Variants in NKAIN3 observed in about 807,000 individuals in gnomAD.
NKAIN3 encodes the protein sodium/potassium transporting ATPase interacting 3.
NKAIN3 carries 25 observed loss-of-function variants against 30.2 expected under a neutral mutation model. The observed-to-expected ratio is 0.83, with a 90% CI of 0.60 to 1.16. NKAIN3 has a LOEUF of 1.16. NKAIN3 is among the 50% of genes most tolerant of loss of function. NKAIN3 has a pLI of 0.00. For missense variants in NKAIN3, 225 were observed against 254.1 expected (o/e 0.89, Z 0.78); for synonymous variants, 91 against 89.6 (o/e 1.02, Z -0.09).
At chr8:62,832,254 AACAGACACAC>A (rs1239903257) in intron 4 of NKAIN3, among the ~76,000 whole-genome samples, 1 of 121,266 alleles carries the variant, frequency 8.2e-6, no homozygotes, top group Non-Finnish European at 1.7e-5. Context: ...GGTATGACCA[AACAGACACAC>A]ACACACACAC....
intron 1 of NKAIN3, among the ~76,000 whole-genome samples, chr8:62,577,967 T>A (rs575753091): frequency 6.6e-6 from 1 of 152,172 alleles, no homozygotes; most frequent in East Asian, 1.9e-4. Context: ...CATTTCTTTA[T>A]GTCCAAGGAA....
intron 4 of NKAIN3, among the ~76,000 whole-genome samples, chr8:62,901,947 A>G (rs1352575933): frequency 6.6e-6 from 1 of 152,182 alleles, no homozygotes; most frequent in Non-Finnish European, 1.5e-5. Flanking sequence ...CATACCCTCA[A>G]TGGCTCCTTA....
chr8:62,466,638 TA>T (rs752125088), intron 1 of NKAIN3, among the ~76,000 whole-genome samples: 4 of 152,226 alleles, frequency 2.6e-5, no homozygotes, highest in Admixed American at 6.5e-5. Flanking sequence ...GTGAGCACAC[TA>T]AAATCATGTT....
At chr8:62,703,989 C>A (rs1001924920) in intron 3 of NKAIN3, among the ~76,000 whole-genome samples, 3 of 152,036 alleles carry the variant, frequency 2.0e-5, no homozygotes, top group African/African-American at 7.2e-5. Flanking sequence ...GGATATTGGT[C>A]CATTTTCATC....
At chr8:62,520,474 CT>C (rs1746554475) in intron 1 of NKAIN3, among the ~76,000 whole-genome samples, 1 of 152,048 alleles carries the variant, frequency 6.6e-6, no homozygotes, top group Non-Finnish European at 1.5e-5. Flanking sequence ...ATAAATTCTT[CT>C]TGTCATGTTA....
chr8:62,453,480 A>G (rs1382441885), intron 1 of NKAIN3, among the ~76,000 whole-genome samples: 2 of 152,170 alleles, frequency 1.3e-5, no homozygotes, highest in Non-Finnish European at 2.9e-5. Context: ...TAGATAACCA[A>G]GAGTAAACCA....
intron 1 of NKAIN3, among the ~76,000 whole-genome samples, chr8:62,265,697 T>C (rs1268335628): frequency 2.0e-5 from 3 of 152,206 alleles, no homozygotes; most frequent in African/African-American, 7.2e-5. Context: ...CTCTGCATGG[T>C]GAAAACTTTT....
At chr8:62,597,010 A>G (rs1292598310) in intron 3 of NKAIN3, among the ~76,000 whole-genome samples, 2 of 152,034 alleles carry the variant, frequency 1.3e-5, no homozygotes, top group African/African-American at 4.8e-5. Context: ...AGATGTCCAC[A>G]CAGTAAGATC....
At chr8:62,724,015 T>C (rs140104182) in intron 3 of NKAIN3, among the ~76,000 whole-genome samples, 1 of 152,132 alleles carries the variant, frequency 6.6e-6, no homozygotes, top group Non-Finnish European at 1.5e-5. Flanking sequence ...CTTTGTGTTA[T>C]AGGACTAATG....
chr8:62,428,828 TTGA>T (rs2129597299), intron 1 of NKAIN3, among the ~76,000 whole-genome samples: 1 of 152,034 alleles, frequency 6.6e-6, no homozygotes, highest in African/African-American at 2.4e-5. Context: ...GCTTTTTAGC[TTGA>T]TGAAATCTTG....
intron 4 of NKAIN3, among the ~76,000 whole-genome samples, chr8:62,854,674 T>C (rs1820008850): frequency 6.6e-6 from 1 of 152,184 alleles, no homozygotes; most frequent in African/African-American, 2.4e-5. Context: ...GTCTTTTAAT[T>C]GGGGCATGTA....
intron 1 of NKAIN3, among the ~76,000 whole-genome samples, chr8:62,472,775 G>T (rs1315515261): frequency 2.0e-5 from 3 of 152,174 alleles, no homozygotes; most frequent in African/African-American, 7.2e-5. Flanking sequence ...TCAAGATGCG[G>T]CAGCCACTTA....
intron 3 of NKAIN3, among the ~76,000 whole-genome samples, chr8:62,657,529 G>A (rs1812796036): frequency 1.3e-5 from 2 of 152,090 alleles, no homozygotes; most frequent in African/African-American, 4.8e-5. Context: ...TCCCCTATGA[G>A]TAGAAAGCTG....
intron 3 of NKAIN3, among the ~76,000 whole-genome samples, chr8:62,602,547 T>C (rs1481814372): frequency 6.6e-6 from 1 of 152,132 alleles, no homozygotes; most frequent in East Asian, 1.9e-4. Flanking sequence ...ACAGAGTCTA[T>C]GACAACATTG....
chr8:62,632,881 T>G (rs1812008719), intron 3 of NKAIN3, among the ~76,000 whole-genome samples: 1 of 152,088 alleles, frequency 6.6e-6, no homozygotes, highest in Non-Finnish European at 1.5e-5. Flanking sequence ...TTTAGTAAAT[T>G]TAATAAAAAT....
At chr8:62,586,976 C>A (rs1157100430) in intron 2 of NKAIN3, among the ~76,000 whole-genome samples, 1 of 151,872 alleles carries the variant, frequency 6.6e-6, no homozygotes, top group Non-Finnish European at 1.5e-5. Context: ...TGTAAGCCTG[C>A]TTTATAATAA....
At chr8:62,422,142 AT>A (rs1804660565) in intron 1 of NKAIN3, among the ~76,000 whole-genome samples, 2 of 152,104 alleles carry the variant, frequency 1.3e-5, no homozygotes, top group Admixed American at 1.3e-4. Context: ...TAACTTTTTT[AT>A]TTTATGACAA....
At chr8:62,807,903 G>T (rs1818355167) in intron 4 of NKAIN3, among the ~76,000 whole-genome samples, 1 of 151,256 alleles carries the variant, frequency 6.6e-6, no homozygotes, top group East Asian at 1.9e-4. Flanking sequence ...TTGTGATTAT[G>T]TTAAAAATAG....
chr8:62,930,093 G>A (rs763864710), intron 5 of NKAIN3, among the ~76,000 whole-genome samples: 2 of 152,132 alleles, frequency 1.3e-5, no homozygotes, highest in Non-Finnish European at 2.9e-5. Flanking sequence ...ATTTTTAAGT[G>A]TACAACTCAG....
Sources: allele counts gnomAD v4.1 joint callset (sites outside exome capture counted in the v4.1 genomes callset), GRCh38; gene constraint gnomAD v4.1.1; transcripts MANE v1.5; gene names NCBI Gene and HGNC (gene_info 2026-07-23, HGNC 2026-07-21).